The following DLGAP2 variants were observed in gnomAD, a reference collection of about 807,000 sequenced individuals.
DLGAP2 encodes the protein disks large-associated protein 2.
A neutral mutation model predicts 100.3 loss-of-function variants in DLGAP2; 26 were observed. The ratio of observed to expected loss-of-function variants is 0.26; its 90% CI spans 0.19 to 0.36. The LOEUF is 0.36. Among genes scored for constraint, DLGAP2 ranks in the 10% least tolerant of loss-of-function variants. The probability of loss-of-function intolerance (pLI) is 1.00; values close to 1 mark genes in which losing one functional copy is unlikely to be tolerated. For missense variants in DLGAP2, 1,858 were observed against 1,453.2 expected, an observed-to-expected ratio of 1.28 and a Z score of -4.53; for synonymous variants, 886 against 630.1, an observed-to-expected ratio of 1.41 and a Z score of -6.08.
At chr8:1,463,358 G>A (rs966600097) in intron 3 of DLGAP2, among the ~76,000 whole-genome samples, 1 of 152,244 alleles carries the variant, frequency 6.6e-6, no homozygotes, top group Non-Finnish European at 1.5e-5. Flanking sequence ...CGTTACGTGT[G>A]TCATAAAATA....
intron 4 of DLGAP2, among the ~76,000 whole-genome samples, chr8:1,514,986 G>C (rs923443255): frequency 6.6e-6 from 1 of 152,024 alleles, no homozygotes; most frequent in Non-Finnish European, 1.5e-5. Flanking sequence ...AACGTGTAGA[G>C]AGACTGACGT....
intron 2 of DLGAP2, among the ~76,000 whole-genome samples, chr8:1,051,041 G>A (rs1429979633): frequency 6.7e-6 from 1 of 149,632 alleles, no homozygotes; most frequent in Non-Finnish European, 1.5e-5. Flanking sequence ...GTCATTTTGT[G>A]GTGGGTCATT....
At position 1,696,423 on chromosome 8, in the gene DLGAP2, C is replaced by T. The variant is rs992609680; in HGVS notation, c.2797-724C>T. Among the ~76,000 whole-genome samples, 4 of 152,132 alleles carry T rather than the reference C, an allele frequency of 2.6e-5. No individual in the cohort carries two copies. The South Asian group carries it at 8.3e-4, about 32-fold the overall frequency. On this transcript the variant is annotated intron_variant, in intron 13 of 14. Transcript: ENST00000637795. ...GCTGAGCAGGCAGGATCCCTTCAGC[C>T]CAGGAGGTAGAGGCTGCAGTGAGCC...
rs187860872 is a variant in DLGAP2, at chr8:1,562,985, G to A, written c.1231-2698G>A. 5.9e-4 allele frequency among the ~76,000 whole-genome samples: 44 copies of A among 74,434 alleles called. 1 individual carries two copies. Among genetic ancestry groups the A allele is most frequent in the African/African-American group, 2.7e-3 (44 of 16,154 alleles). 48.8% of individuals were successfully genotyped at this position (74,434 alleles called of 152,430 possible). On this transcript the variant is annotated intron_variant, in intron 5 of 14. Coordinates refer to ENST00000637795, the MANE Select transcript of DLGAP2 (RefSeq NM_001346810.2). Reference sequence around the variant, plus strand: ...CGCCTCGTTACTGGGGGACTGTGTGGTGTTGGGGTGTCCGCGCCTCGTTGC... The same window carrying A: ...CGCCTCGTTACTGGGGGACTGTGTGATGTTGGGGTGTCCGCGCCTCGTTGC...
chr8:1,554,747 G>A (rs1346388069), intron 5 of DLGAP2, among the ~76,000 whole-genome samples: 1 of 152,076 alleles, frequency 6.6e-6, no homozygotes, highest in Non-Finnish European at 1.5e-5. Context: ...AACTTGGCAA[G>A]CAGGAAGGAC....
chr8:1,208,021 G>C (rs777589646), intron 2 of DLGAP2, among the ~76,000 whole-genome samples: 1 of 152,058 alleles, frequency 6.6e-6, no homozygotes, highest in Non-Finnish European at 1.5e-5. Context: ...TGGGTTGTCT[G>C]TTTACTCTGC....
At chr8:1,041,205 G>T (rs1016993132) in intron 2 of DLGAP2, among the ~76,000 whole-genome samples, 2 of 152,192 alleles carry the variant, frequency 1.3e-5, no homozygotes, top group African/African-American at 4.8e-5. Context: ...CCCCACCCAT[G>T]TTGTATCTGC....
At chr8:1,481,471 C>CTTTTTTTTTTTTTTTTTTT (rs1165790168) in intron 3 of DLGAP2, among the ~76,000 whole-genome samples, 24 of 43,692 alleles carry the variant, frequency 5.5e-4, no homozygotes, top group Middle Eastern at 0.019. Context: ...TTTTCTTTTT[C>CTTTTTTTTTTTTTTTTTTT]TTTTTTTTTT....
chr8:1,630,623 A>T (rs1585014041), intron 7 of DLGAP2, among the ~76,000 whole-genome samples: 2 of 151,962 alleles, frequency 1.3e-5, no homozygotes, highest in Admixed American at 1.3e-4. Context: ...AATGGCGTGA[A>T]TCCGGGAGGT....
chr8:1,085,368 C>G (rs1008110996), intron 2 of DLGAP2, among the ~76,000 whole-genome samples: 6 of 152,170 alleles, frequency 3.9e-5, no homozygotes, highest in Non-Finnish European at 8.8e-5. Flanking sequence ...TGGATACAGT[C>G]TTATTTCTCT....
chr8:984,708 T>C (rs1222687047), intron 2 of DLGAP2, among the ~76,000 whole-genome samples: 1 of 152,248 alleles, frequency 6.6e-6, no homozygotes, highest in Non-Finnish European at 1.5e-5. Context: ...GAGATGTGTT[T>C]AGATGTACAG....
At chr8:1,560,314 G>T (rs190402953) in intron 5 of DLGAP2, among the ~76,000 whole-genome samples, 11 of 152,074 alleles carry the variant, frequency 7.2e-5, no homozygotes, top group African/African-American at 2.7e-4. Context: ...GCACATTCTG[G>T]AATAGTATTT....
intron 3 of DLGAP2, among the ~76,000 whole-genome samples, chr8:1,425,216 C>A (rs532109125): frequency 3.3e-4 from 50 of 152,264 alleles, no homozygotes; most frequent in African/African-American, 1.2e-3. Context: ...TGAATTCAAT[C>A]TTTTAACTCG....
chr8:949,273 C>T (rs1422329386), intron 2 of DLGAP2, among the ~76,000 whole-genome samples: 2 of 152,166 alleles, frequency 1.3e-5, no homozygotes, highest in African/African-American at 4.8e-5. Context: ...GAGGAACTTT[C>T]CTAGTTCAGG....
intron 2 of DLGAP2, among the ~76,000 whole-genome samples, chr8:1,185,441 G>C (rs1338656302): frequency 6.6e-6 from 1 of 152,138 alleles, no homozygotes; most frequent in African/African-American, 2.4e-5. Context: ...GGATGAGATA[G>C]AATGGTTTAA....
chr8:1,180,636 C>T (rs573986746), intron 2 of DLGAP2, among the ~76,000 whole-genome samples: 3 of 90,772 alleles, frequency 3.3e-5, no homozygotes, highest in Admixed American at 1.1e-4. Flanking sequence ...TCAAGCGTGT[C>T]AGTGTGCAAG....
intron 3 of DLGAP2, among the ~76,000 whole-genome samples, chr8:1,341,537 A>G (rs751033088): frequency 2.6e-5 from 4 of 152,218 alleles, no homozygotes; most frequent in Admixed American, 1.3e-4. Flanking sequence ...AGTTGAAGCC[A>G]TGTCTCAAAA....
intron 3 of DLGAP2, among the ~76,000 whole-genome samples, chr8:1,282,700 C>T (rs1183553668): frequency 7.5e-6 from 1 of 133,174 alleles, no homozygotes; most frequent in Non-Finnish European, 1.6e-5. Flanking sequence ...ACCATCCAGA[C>T]GTGGTGTGAC....
chr8:1,522,606 G>A (rs115035127), intron 4 of DLGAP2, among the ~76,000 whole-genome samples: 1,908 of 152,294 alleles, frequency 0.013, 36 homozygotes, highest in African/African-American at 0.037. Flanking sequence ...TTCCTCATGT[G>A]GCCATTGCAA....
Sources: allele counts gnomAD v4.1 joint callset (sites outside exome capture counted in the v4.1 genomes callset), GRCh38; gene constraint gnomAD v4.1.1; transcripts MANE v1.5; gene names NCBI Gene and HGNC (gene_info 2026-07-23, HGNC 2026-07-21).